RBFOX1: variants seen among roughly 807,000 people sequenced by gnomAD.
RBFOX1 encodes RNA binding fox-1 homolog 1.
In RBFOX1, 8 loss-of-function variants were observed where a neutral mutation model predicts 57.7. The observed-to-expected ratio is 0.14, with a 90% CI of 0.08 to 0.25. The LOEUF (loss-of-function observed/expected upper bound fraction) is 0.25, where lower values mean the gene tolerates loss of function less well. Among genes scored for constraint, RBFOX1 ranks in the 10% least tolerant of loss-of-function variants. The probability of loss-of-function intolerance (pLI) is 1.00; values close to 1 mark genes in which losing one functional copy is unlikely to be tolerated. For synonymous variants in RBFOX1, 326 were observed against 222.4 expected, an observed-to-expected ratio of 1.47 and a Z score of -4.15; for missense variants, 611 against 548.5, an observed-to-expected ratio of 1.11 and a Z score of -1.14.
intron 4 of RBFOX1, among the ~76,000 whole-genome samples, chr16:6,004,676 G>T (rs1396877705): frequency 6.6e-6 from 1 of 152,124 alleles, no homozygotes; most frequent in Non-Finnish European, 1.5e-5. Flanking sequence ...AATGCCCCTT[G>T]CCTTGAGATA....
chr16:7,422,292 G>A (rs572992039), intron 4 of RBFOX1, among the ~76,000 whole-genome samples: 3 of 152,094 alleles, frequency 2.0e-5, no homozygotes, highest in South Asian at 2.1e-4. Flanking sequence ...TCATGTAGGC[G>A]TCTATACCAT....
chr16:7,010,637 G>A (rs1027991318), intron 3 of RBFOX1, among the ~76,000 whole-genome samples: 3 of 151,926 alleles, frequency 2.0e-5, no homozygotes, highest in Admixed American at 6.6e-5. Flanking sequence ...TAAACCAATG[G>A]CTCTCTGGTA....
chr16:6,263,610 T>C (rs1265781090), intron 1 of RBFOX1, among the ~76,000 whole-genome samples: 1 of 152,124 alleles, frequency 6.6e-6, no homozygotes, highest in Non-Finnish European at 1.5e-5. Context: ...TCCCTTCCTG[T>C]CTCTCTCTCT....
chr16:6,395,395 G>C (rs1325239016), intron 2 of RBFOX1, among the ~76,000 whole-genome samples: 2 of 152,144 alleles, frequency 1.3e-5, no homozygotes, highest in African/African-American at 4.8e-5. Context: ...TAATAATATA[G>C]TTATGGTCAT....
At chr16:7,618,598 C>T (rs2058832053) in intron 10 of RBFOX1, among the ~76,000 whole-genome samples, 1 of 152,024 alleles carries the variant, frequency 6.6e-6, no homozygotes, top group African/African-American at 2.4e-5. Flanking sequence ...AGACTTTTTG[C>T]TTCCCACTTT....
At chr16:6,195,742 G>T (rs114296306) in intron 1 of RBFOX1, among the ~76,000 whole-genome samples, 3 of 151,772 alleles carry the variant, frequency 2.0e-5, no homozygotes, top group Non-Finnish European at 2.9e-5. Flanking sequence ...AAAAAAAAAG[G>T]TTTGTAGAAT....
chr16:5,754,154 C>T (rs2053313899), intron 3 of RBFOX1, among the ~76,000 whole-genome samples: 2 of 152,170 alleles, frequency 1.3e-5, no homozygotes, highest in Non-Finnish European at 2.9e-5. Flanking sequence ...TGGCATAATA[C>T]ATTTGTTAAA....
intron 3 of RBFOX1, among the ~76,000 whole-genome samples, chr16:6,756,929 C>A (rs140355991): frequency 0.018 from 2,771 of 152,006 alleles, 88 homozygotes; most frequent in African/African-American, 0.063. Flanking sequence ...GAGCTGAGAT[C>A]GTGCCATTGC....
intron 2 of RBFOX1, among the ~76,000 whole-genome samples, chr16:5,479,166 C>T (rs1368813236): frequency 6.6e-6 from 1 of 152,098 alleles, no homozygotes; most frequent in African/African-American, 2.4e-5. Flanking sequence ...CTTCCTCGGC[C>T]CTCATTATCT....
At chr16:6,802,592 G>T (rs542795709) in intron 3 of RBFOX1, among the ~76,000 whole-genome samples, 1 of 152,164 alleles carries the variant, frequency 6.6e-6, no homozygotes, top group African/African-American at 2.4e-5. Flanking sequence ...CAGGAGAATC[G>T]CTTGAACCTG....
intron 1 of RBFOX1, among the ~76,000 whole-genome samples, chr16:5,395,576 G>T (rs201865605): frequency 6.6e-6 from 1 of 152,132 alleles, no homozygotes; most frequent in Non-Finnish European, 1.5e-5. Flanking sequence ...TAATGTATGT[G>T]GTGGAGACGT....
chr16:5,871,713 A>C lies in RBFOX1; in HGVS notation c.351+4378A>C, dbSNP rs796747000. 2.0e-5 allele frequency among the ~76,000 whole-genome samples: 3 copies of C among 152,244 alleles called. No individual in the cohort carries two copies. The East Asian group carries it at 5.8e-4, about 29-fold the overall frequency. On this transcript the variant is annotated intron_variant, in intron 4 of 19. Coordinates refer to the RBFOX1 transcript ENST00000641259. ...GACAGCCAAACAAAGGAGGTTATAG[A>C]AGAGGATGTTTGAGGAAAAAAAAAA...
chr16:5,507,967 T>C (rs538166334), intron 2 of RBFOX1, among the ~76,000 whole-genome samples: 6 of 152,192 alleles, frequency 3.9e-5, no homozygotes, highest in African/African-American at 1.4e-4. Flanking sequence ...GGGTGATTTG[T>C]TATGGCAGCC....
intron 2 of RBFOX1, among the ~76,000 whole-genome samples, chr16:6,571,559 G>A (rs2097344987): frequency 6.6e-6 from 1 of 152,116 alleles, no homozygotes; most frequent in Non-Finnish European, 1.5e-5. Flanking sequence ...GAGAGGAGAG[G>A]ATTTGATGGA....
At chr16:7,537,011 A>C (rs932559199) in intron 5 of RBFOX1, among the ~76,000 whole-genome samples, 13 of 152,208 alleles carry the variant, frequency 8.5e-5, no homozygotes, top group African/African-American at 3.1e-4. Context: ...AGAAACACTC[A>C]TACAGAGCCC....
intron 1 of RBFOX1, among the ~76,000 whole-genome samples, chr16:5,277,087 A>G (rs1345178399): frequency 2.6e-5 from 4 of 152,248 alleles, no homozygotes; most frequent in Admixed American, 6.5e-5. Context: ...TGTGTTTTTT[A>G]TATGTATATA....
rs1035152685 is a variant in RBFOX1, at chr16:6,993,574, G to C, written c.-15-58483G>C. 3.9e-5 allele frequency among the ~76,000 whole-genome samples: 6 copies of C among 152,264 alleles called. No homozygotes were observed. The South Asian group carries it at 8.3e-4, about 21-fold the overall frequency. On this transcript the variant is annotated intron_variant, in intron 3 of 15. Coordinates refer to ENST00000550418, the MANE Select transcript of RBFOX1 (RefSeq NM_018723.4). Reference sequence around the variant, plus strand: ...AATTTTATTCTACATAGGGAGGCAAGAGTGGTGCTGCAACATATGGAGAGA... The same window carrying C: ...AATTTTATTCTACATAGGGAGGCAACAGTGGTGCTGCAACATATGGAGAGA...
At chr16:6,052,762 A>C (rs540726272) in intron 1 of RBFOX1, among the ~76,000 whole-genome samples, 20 of 150,996 alleles carry the variant, frequency 1.3e-4, no homozygotes, top group Admixed American at 3.3e-4. Context: ...CCAGCCTGGG[A>C]GACAGAGCGA....
intron 1 of RBFOX1, among the ~76,000 whole-genome samples, chr16:6,102,521 GT>G (rs1157659383): frequency 6.6e-6 from 1 of 151,934 alleles, no homozygotes; most frequent in Non-Finnish European, 1.5e-5. Flanking sequence ...TTTCAGGCAG[GT>G]TGATCTGGAT....
Sources: allele counts gnomAD v4.1 joint callset (sites outside exome capture counted in the v4.1 genomes callset), GRCh38; gene constraint gnomAD v4.1.1; transcripts MANE v1.5; gene names NCBI Gene and HGNC (gene_info 2026-07-23, HGNC 2026-07-21).